KATNIP: variants seen among roughly 807,000 people sequenced by gnomAD.
The protein encoded by KATNIP is katanin-interacting protein.
In KATNIP, 126 loss-of-function variants were observed where a neutral mutation model predicts 174.0. That is an observed-to-expected ratio of 0.72 (90% CI 0.63 to 0.84). The LOEUF is 0.84. Ranked by LOEUF, KATNIP falls within the 40% of genes least tolerant of loss-of-function variation. KATNIP has a pLI of 0.00. For missense variants in KATNIP, 1,958 were observed against 2,109.7 expected (o/e 0.93, Z 1.41); for synonymous variants, 810 against 835.7 (o/e 0.97, Z 0.53).
rs932326346 is a variant in KATNIP at position 27,761,600 on chromosome 16, T to C, written c.3809+10T>C. The C allele has an allele frequency of 6.2e-7, 1 of 1,607,834 alleles. No individual in the cohort carries two copies. Among genetic ancestry groups the C allele is most frequent in the Non-Finnish European group, 8.5e-7 (1 of 1,174,938 alleles). On this transcript the variant is annotated intron_variant, in intron 19 of 27. Transcript: ENST00000261588. ...CCCGGGCCCTGGACAAGTAAGTGTCTATCAGAAGCTTTACTTTCATGCCCA... is the reference window on the plus strand; with the variant it reads ...CCCGGGCCCTGGACAAGTAAGTGTCCATCAGAAGCTTTACTTTCATGCCCA...
chr16:27,655,449 CT>C (rs2077250794), intron 6 of KATNIP, among the ~76,000 whole-genome samples: 1 of 150,096 alleles, frequency 6.7e-6, no homozygotes, highest in African/African-American at 2.5e-5. Flanking sequence ...CAAGGTCTTG[CT>C]TTATTGCCCA....
intron 2 of KATNIP, among the ~76,000 whole-genome samples, chr16:27,588,161 G>T (rs547720758): frequency 1.3e-5 from 2 of 151,736 alleles, no homozygotes; most frequent in Non-Finnish European, 2.9e-5. Context: ...CAAAGTGCTG[G>T]GATTACCGCT....
chr16:27,600,447 T>G lies in KATNIP; in HGVS notation c.64-17978T>G, dbSNP rs144965573. Among the ~76,000 whole-genome samples, 33 of 152,254 alleles carry G rather than the reference T, an allele frequency of 2.2e-4. 1 individual carries two copies. The highest frequency in any genetic ancestry group is 6.5e-4 in the Admixed American group (10 of 15,302). ...CACAAACAGGCTTTGCCCTTAAGCA[T>G]ACCTGGGATGTCAGAAGCAAAGACT... is the stretch of plus-strand genomic sequence containing the variant. On this transcript the variant is annotated intron_variant, in intron 2 of 27. Coordinates refer to ENST00000261588, the MANE Select transcript of KATNIP (RefSeq NM_015202.5).
chr16:27,722,844 A>C (rs1208160817), intron 14 of KATNIP, among the ~76,000 whole-genome samples: 1 of 152,240 alleles, frequency 6.6e-6, no homozygotes, highest in Non-Finnish European at 1.5e-5. Flanking sequence ...GAGTTTTGAC[A>C]TGAGCCTTCC....
chr16:27,703,818 G>A (rs974863282), intron 11 of KATNIP, 78 bp from the exon 12 acceptor site: 3 of 1,076,022 alleles, frequency 2.8e-6, no homozygotes, highest in African/African-American at 1.5e-5. Flanking sequence ...ATCCCCGAGT[G>A]CAGCACTTTT....
chr16:27,669,019 A>AAAAAG (rs1382062238), intron 6 of KATNIP, among the ~76,000 whole-genome samples: 1 of 152,186 alleles, frequency 6.6e-6, no homozygotes, highest in East Asian at 1.9e-4. Flanking sequence ...AAAGAAAAAG[A>AAAAAG]AAAAGAAATG....
intron 5 of KATNIP, among the ~76,000 whole-genome samples, chr16:27,647,821 A>T (rs1026716459): frequency 1.3e-4 from 19 of 151,796 alleles, no homozygotes; most frequent in Non-Finnish European, 2.5e-4. Flanking sequence ...TTAATTTTTT[A>T]AATTTTTTTG....
intron 2 of KATNIP, among the ~76,000 whole-genome samples, chr16:27,586,523 A>T (rs2090904349): frequency 6.6e-6 from 1 of 151,926 alleles, no homozygotes; most frequent in African/African-American, 2.4e-5. Flanking sequence ...ACCACTATAT[A>T]ATTCAAAACA....
intron 13 of KATNIP, among the ~76,000 whole-genome samples, chr16:27,716,476 A>T (rs1033907231): frequency 3.4e-5 from 5 of 146,042 alleles, no homozygotes; most frequent in Non-Finnish European, 7.6e-5. Flanking sequence ...TATCTCAATT[A>T]AAAAAAAAAA....
At chr16:27,563,276 A>G (rs144842188) in intron 1 of KATNIP, among the ~76,000 whole-genome samples, 69 of 152,280 alleles carry the variant, frequency 4.5e-4, no homozygotes, top group African/African-American at 1.6e-3. Context: ...GATCCCTCAT[A>G]AGACCAAGGG....
rs766540931 is a variant in KATNIP at position 27,773,127 on chromosome 16, C to T, written c.4227C>T (p.Ser1409=). The T allele has an allele frequency of 6.2e-7, 1 of 1,611,642 alleles. No individual in the cohort carries two copies. The highest frequency in any genetic ancestry group is 1.1e-5 in the South Asian group (1 of 90,442). Residue 1409 remains serine (S), a synonymous_variant, in exon 23 of 28, where the codon AGC becomes AGT. Transcript: ENST00000261588. ...TTTTCCAGTTTCAGCTTCTCACCAG[C>T]TGGGGCGACCCCTACTACATCGGCC... ...GFIFQFQLLT[S]WGDPYYIGLT...
At chr16:27,773,781 T>G (rs1398567039) in intron 23 of KATNIP, among the ~76,000 whole-genome samples, 1 of 152,182 alleles carries the variant, frequency 6.6e-6, no homozygotes, top group African/African-American at 2.4e-5. Flanking sequence ...CCTGGTTATC[T>G]GTTGCCATTT....
rs779385799 is a variant in KATNIP, at chr16:27,754,245, G to A, written c.3625G>A (p.Gly1209Arg). The A allele has an allele frequency of 8.7e-6, 14 of 1,613,634 alleles. No individual in the cohort carries two copies. The highest frequency in any genetic ancestry group is 3.3e-5 in the Admixed American group (2 of 60,006). The change falls in exon 18 of 28, where the codon GGA becomes AGA. Residue 1209 changes from glycine to arginine, a missense_variant. Transcript: ENST00000261588. ...VTTPEPGIYHGICLQLNFTAS... is the reference protein window; with the variant it reads ...VTTPEPGIYHRICLQLNFTAS... Reference sequence around the variant, plus strand: ...CACGCCAGAGCCAGGCATCTACCACGGAATCTGTGAGTAGCTCTCCTGGAG... The same window carrying A: ...CACGCCAGAGCCAGGCATCTACCACAGAATCTGTGAGTAGCTCTCCTGGAG...
rs944744489 is a variant in KATNIP at position 27,563,726 on chromosome 16, G to GT, written c.8-10174dup. Reference sequence around the variant, plus strand: ...CTGCCATAGGAAAATCCAGGCAAGAGTGGAGGCAGGGATACCTACTAGGTG... The same window carrying GT: ...CTGCCATAGGAAAATCCAGGCAAGAGTTGGAGGCAGGGATACCTACTAGGTG... On this transcript the variant is annotated intron_variant, in intron 1 of 27. Coordinates refer to ENST00000261588, the MANE Select transcript of KATNIP (RefSeq NM_015202.5). 6.6e-5 allele frequency among the ~76,000 whole-genome samples: 10 copies of GT among 151,864 alleles called. No homozygotes were observed. In the East Asian group the frequency reaches 1.7e-3, roughly 26 times the overall value.
rs74560034 is a variant in KATNIP at position 27,646,796 on chromosome 16, A to G, written c.409-1808A>G. ...CATGAAAGCTGTTGTCTCTGACACA[A>G]CACTGCTTAGATGGGAGCACTCGCC... On this transcript the variant is annotated intron_variant, in intron 5 of 27. Transcript: ENST00000261588. Among the ~76,000 whole-genome samples the G allele has an allele frequency of 2.3e-3, 343 of 152,310 alleles. 12 individuals carry two copies. In the East Asian group the frequency reaches 0.061, roughly 27 times the overall value.
chr16:27,607,127 T>C (rs1171028199), intron 2 of KATNIP, among the ~76,000 whole-genome samples: 14 of 152,162 alleles, frequency 9.2e-5, no homozygotes, highest in Non-Finnish European at 1.5e-5. Flanking sequence ...TGGCCGGGCC[T>C]GCAGTACGTG....
intron 15 of KATNIP, among the ~76,000 whole-genome samples, chr16:27,746,557 C>G (rs930495592): frequency 6.6e-6 from 1 of 152,248 alleles, no homozygotes; most frequent in Non-Finnish European, 1.5e-5. Context: ...GTGTCCATCC[C>G]TTCACTGGCA....
intron 13 of KATNIP, among the ~76,000 whole-genome samples, chr16:27,713,820 A>ATGTGTGTGTGTGTGTG (rs1567336934): frequency 1.6e-4 from 6 of 37,746 alleles, no homozygotes; most frequent in South Asian, 1.5e-3. Flanking sequence ...ATATATATAT[A>ATGTGTGTGTGTGTGTG]TATATATATA....
chr16:27,728,879 G>T (rs1275757961), intron 14 of KATNIP, among the ~76,000 whole-genome samples: 1 of 152,230 alleles, frequency 6.6e-6, no homozygotes. Context: ...GCGGGCTGCA[G>T]CTGGAAGTAG....
Sources: gnomAD v4.1 joint callset for allele counts (sites outside exome capture counted in the v4.1 genomes callset) on GRCh38, gnomAD v4.1.1 for gene constraint, MANE v1.5 for transcripts, NCBI Gene and HGNC (gene_info 2026-07-23, HGNC 2026-07-21) for gene names.